The following LONP1 variants were observed in gnomAD, a reference collection of about 807,000 sequenced individuals.
The protein encoded by LONP1 is lon peptidase 1, mitochondrial.
A neutral mutation model predicts 98.5 loss-of-function variants in LONP1; 31 were observed. That is an observed-to-expected ratio of 0.31 (90% CI 0.24 to 0.42). The LOEUF (loss-of-function observed/expected upper bound fraction) is 0.42, where lower values mean the gene tolerates loss of function less well. Ranked by LOEUF, LONP1 falls within the 20% of genes least tolerant of loss-of-function variation. The probability of loss-of-function intolerance (pLI) is 1.00; values close to 1 mark genes in which losing one functional copy is unlikely to be tolerated. For missense variants in LONP1, 1,336 were observed against 1,350.6 expected (o/e 0.99, Z 0.17); for synonymous variants, 781 against 594.7 (o/e 1.31, Z -4.56).
chr19:5,699,557 T>A (rs2055004241), intron 9 of LONP1, among the ~76,000 whole-genome samples: 1 of 124,610 alleles, frequency 8.0e-6, no homozygotes, highest in Non-Finnish European at 1.6e-5. Flanking sequence ...TGGCTCCTGT[T>A]TTTTTTTTTT....
At chr19:5,713,543 C>G (rs914903202) in intron 2 of LONP1, among the ~76,000 whole-genome samples, 1 of 152,134 alleles carries the variant, frequency 6.6e-6, no homozygotes. Flanking sequence ...ATCACAGAGC[C>G]TGCTTCGAAT....
intron 4 of LONP1, 65 bp from the exon 5 acceptor site, chr19:5,708,468 G>GC (rs2145615752): frequency 1.1e-5 from 6 of 551,260 alleles, no homozygotes; most frequent in East Asian, 9.5e-5. Flanking sequence ...GGCTGGGTGG[G>GC]AGCATGGCCC....
chr19:5,719,741 C>T lies in LONP1; in HGVS notation c.392G>A (p.Arg131His), dbSNP rs766885836. The T allele has an allele frequency of 1.9e-6, 3 of 1,613,716 alleles. No homozygotes were observed. The highest frequency in any genetic ancestry group is 2.5e-6 in the Non-Finnish European group (3 of 1,180,032). Residue 131 changes from arginine (R) to histidine (H), a missense_variant, in exon 1 of 18, where the codon CGC becomes CAC. Transcript: ENST00000360614. The part of the protein sequence containing the change: ...FPHLPLIAIT[R>H]NPVFPRFIKI... ...GATAAAGCGCGGGAACACCGGGTTG[C>T]GGGTGATGGCGATGAGCGGCAGGTG...
intron 1 of LONP1, among the ~76,000 whole-genome samples, chr19:5,715,964 A>C (rs1455018134): frequency 6.6e-6 from 1 of 151,856 alleles, no homozygotes; most frequent in Non-Finnish European, 1.5e-5. Flanking sequence ...GCACATTCTC[A>C]ACGGCAGGTT....
At chr19:5,694,617 G>A in intron 14 of LONP1, 65 bp from the exon 15 acceptor site, 7 of 1,583,396 alleles carry the variant, frequency 4.4e-6, no homozygotes, top group African/African-American at 1.3e-5. Context: ...GTGGTGGGGT[G>A]ACGGGCACAG....
intron 2 of LONP1, among the ~76,000 whole-genome samples, chr19:5,713,823 A>G (rs1243063377): frequency 1.3e-5 from 2 of 152,044 alleles, no homozygotes; most frequent in Non-Finnish European, 2.9e-5. Flanking sequence ...TCAGCCTCCC[A>G]AAGTGCTGGG....
At chr19:5,703,042 G>T (rs935313430) in intron 8 of LONP1, among the ~76,000 whole-genome samples, 1 of 151,800 alleles carries the variant, frequency 6.6e-6, no homozygotes, top group Admixed American at 6.6e-5. Context: ...TTAGCTGGGC[G>T]TGGCAGCGGA....
intron 10 of LONP1, among the ~76,000 whole-genome samples, chr19:5,698,118 G>T (rs953998967): frequency 7.4e-5 from 11 of 149,564 alleles, no homozygotes; most frequent in Non-Finnish European, 1.3e-4. Context: ...AGCTGCACTG[G>T]CCCCACCTCC....
At chr19:5,693,843 C>T in intron 15 of LONP1, 74 bp from the exon 16 acceptor site, 1 of 1,264,516 alleles carries the variant, frequency 7.9e-7, no homozygotes, top group East Asian at 2.5e-5. Flanking sequence ...CCCTCGGGGC[C>T]ACTCTGACCG....
rs147443472 is a variant in LONP1, at chr19:5,712,240, G to A, written c.639-238C>T. On this transcript the variant is annotated intron_variant, in intron 3 of 17. Transcript: ENST00000360614. ...GATTCAGGCATTCCCTGCATCCCAC[G>A]CCAATGCATCACTGTCCCCATCCTA... Among the ~76,000 whole-genome samples the A allele has an allele frequency of 1.6e-4, 24 of 152,178 alleles. No homozygotes were observed. The East Asian group carries it at 4.1e-3, about 26-fold the overall frequency.
At chr19:5,695,003 C>T in intron 13 of LONP1, 102 bp from the exon 14 acceptor site, 7 of 1,364,280 alleles carry the variant, frequency 5.1e-6, no homozygotes, top group Non-Finnish European at 5.9e-6. Flanking sequence ...CAGACCCTGG[C>T]CTGGGAACGA....
At chr19:5,718,232 C>T (rs1239428992) in intron 1 of LONP1, among the ~76,000 whole-genome samples, 1 of 152,108 alleles carries the variant, frequency 6.6e-6, no homozygotes, top group African/African-American at 2.4e-5. Flanking sequence ...AATCCCAGCA[C>T]TTTGGGAGGC....
At chr19:5,701,544 G>T (rs1382927694) in intron 8 of LONP1, among the ~76,000 whole-genome samples, 1 of 152,224 alleles carries the variant, frequency 6.6e-6, no homozygotes, top group African/African-American at 2.4e-5. Context: ...TGTTGGCCGG[G>T]CTGGTCTCCA....
At chr19:5,705,334 T>C (rs991106379) in intron 8 of LONP1, among the ~76,000 whole-genome samples, 3 of 151,904 alleles carry the variant, frequency 2.0e-5, no homozygotes, top group Admixed American at 1.3e-4. Flanking sequence ...GGTGCATGCC[T>C]ATAGTCCCAG....
rs376143170 is a variant in LONP1, at chr19:5,694,488, T to G, written c.2219A>C (p.Glu740Ala). The change falls in exon 15 of 18, where the codon GAG (glutamate) becomes GCG (alanine). Residue 740 changes from glutamate (E) to alanine (A), a missense_variant. Coordinates refer to ENST00000360614, the MANE Select transcript of LONP1 (RefSeq NM_004793.4). ...GEAESVEVTP[E>A]NLQDFVGKPV... ...CTTCCCCACGAAGTCCTGCAGGTTC[T>G]CGGGCGTCACCTCCACGGACTCGGC... The G allele has an allele frequency of 8.7e-6, 14 of 1,613,102 alleles. No individual in the cohort carries two copies. The highest frequency in any genetic ancestry group is 1.2e-5 in the Non-Finnish European group (14 of 1,179,994).
intron 1 of LONP1, among the ~76,000 whole-genome samples, chr19:5,716,561 T>A (rs915277695): frequency 2.7e-5 from 4 of 150,622 alleles, no homozygotes; most frequent in Non-Finnish European, 4.4e-5. Context: ...CATAATTTTT[T>A]TTTTTTCTGT....
At chr19:5,706,573 C>T (rs2055148733) in intron 7 of LONP1, among the ~76,000 whole-genome samples, 1 of 152,096 alleles carries the variant, frequency 6.6e-6, no homozygotes, top group African/African-American at 2.4e-5. Context: ...CGCCATTGCA[C>T]TCCAGCCTAG....
rs763317851 is a variant in LONP1 at position 5,692,099 on chromosome 19, T to C, written c.2813A>G (p.His938Arg). 6.2e-7 allele frequency: 1 copy of C among 1,603,890 alleles called. No homozygotes were observed. Among genetic ancestry groups the C allele is most frequent in the South Asian group, 1.1e-5 (1 of 90,488 alleles). The change falls in exon 18 of 18, where the codon CAC becomes CGC. Residue 938 changes from histidine (H) to arginine (R), a missense_variant. His to Arg is a conservative substitution (Grantham distance 29). This residue lies in a region of LONP1 where 555 missense variants were observed against 542.6 expected (regional missense o/e 1.02). Coordinates refer to ENST00000360614, the MANE Select transcript of LONP1 (RefSeq NM_004793.4). Reference sequence around the variant, plus strand: ...GGCGATGTCGAAGATCTCCCGGTAGTGTTCCACGAAGTGCACCTCCAGGCC... The same window carrying C: ...GGCGATGTCGAAGATCTCCCGGTAGCGTTCCACGAAGTGCACCTCCAGGCC... The part of the protein sequence containing the change: ...TEGLEVHFVE[H>R]YREIFDIAFP...
In LONP1 at chr19:5,691,967, C is replaced by T; in HGVS notation, c.*65G>A. ...CCACTGCCAGGTCCGGGCGCGCTCC[C>T]CACAGCGCTCAGTTCTGGCCCAGAC... On this transcript the variant is annotated 3_prime_UTR_variant, in exon 18 of 18. Coordinates refer to ENST00000360614, the MANE Select transcript of LONP1 (RefSeq NM_004793.4). 2.3e-6 allele frequency: 2 copies of T among 884,484 alleles called. No individual in the cohort carries two copies. The highest frequency in any genetic ancestry group is 2.7e-5 in the East Asian group (1 of 37,518). The allele number at this position is 884,484 out of a possible 1,614,324, so 54.8% of individuals were successfully genotyped here.
Sources: gnomAD v4.1 joint callset for allele counts (sites outside exome capture counted in the v4.1 genomes callset) on GRCh38, gnomAD v4.1.1 for gene constraint, gnomAD v4.1.1 regional missense constraint, MANE v1.5 for transcripts, NCBI Gene and HGNC (gene_info 2026-07-23, HGNC 2026-07-21) for gene names.